Variants in VPS13B observed in about 807,000 individuals in gnomAD.
VPS13B encodes the protein vacuolar protein sorting 13 homolog B, also known as intermembrane lipid transfer protein VPS13B.
A neutral mutation model predicts 426.4 loss-of-function variants in VPS13B; 285 were observed. That is an observed-to-expected ratio of 0.67 (90% CI 0.61 to 0.74). The LOEUF is 0.74. Ranked by LOEUF, VPS13B falls within the 30% of genes least tolerant of loss-of-function variation. The probability of loss-of-function intolerance (pLI) is 0.00; values close to 1 mark genes in which losing one functional copy is unlikely to be tolerated. For missense variants in VPS13B, 4,537 were observed against 4,782.6 expected, an observed-to-expected ratio of 0.95 and a Z score of 1.51; for synonymous variants, 1,676 against 1,676.4, an observed-to-expected ratio of 1.00 and a Z score of 0.01.
rs958146625 is a variant in VPS13B, at chr8:99,427,868, G to T, written c.3083-3669G>T. Among the ~76,000 whole-genome samples the T allele has an allele frequency of 7.2e-5, 11 of 151,952 alleles. No individual in the cohort carries two copies. In the East Asian group the frequency reaches 1.9e-3, roughly 27 times the overall value. ...AAAAGAACAAAGCTGGAGGTATCAG[G>T]CTACCTGACTTCAAACGGTACTACA... On this transcript the variant is annotated intron_variant, in intron 21 of 61. Coordinates refer to ENST00000357162, the MANE Select transcript of VPS13B (RefSeq NM_152564.5).
intron 31 of VPS13B, among the ~76,000 whole-genome samples, chr8:99,562,759 C>T (rs1274732423): frequency 6.6e-6 from 1 of 151,928 alleles, no homozygotes; most frequent in Admixed American, 6.6e-5. Context: ...ATATGGGTTT[C>T]CGGTTGTGCT....
rs796801783 is a variant in VPS13B, at chr8:99,380,876, CTT to C, written c.2825-3319_2825-3318del. ...ACCATCAGGCAGATACTTTTTCTTT[CTT>C]TTTTTTTTTTTTAAAAAAAAAAGAC... On this transcript the variant is annotated intron_variant, in intron 19 of 61. Coordinates refer to ENST00000357162, the MANE Select transcript of VPS13B (RefSeq NM_152564.5). Among the ~76,000 whole-genome samples the C allele has an allele frequency of 6.9e-3, 911 of 132,238 alleles. 4 individuals are homozygous for C. Among genetic ancestry groups the C allele is most frequent in the African/African-American group, 0.024 (853 of 35,638 alleles). 86.8% of individuals were successfully genotyped at this position (132,238 alleles called of 152,430 possible).
chr8:99,456,849 AAGTGTGTATT>A (rs1359247891), intron 23 of VPS13B, among the ~76,000 whole-genome samples: 1 of 152,244 alleles, frequency 6.6e-6, no homozygotes, highest in East Asian at 1.9e-4. Flanking sequence ...CTGTTTTTGT[AAGTGTGTATT>A]AGGGATTGAC....
chr8:99,426,158 C>G (rs1816694591), intron 21 of VPS13B, among the ~76,000 whole-genome samples: 1 of 148,710 alleles, frequency 6.7e-6, no homozygotes, highest in Non-Finnish European at 1.5e-5. Flanking sequence ...TGAGAATATC[C>G]TGTGTTTGGT....
At position 99,875,687 on chromosome 8, in the gene VPS13B, T is replaced by A. The variant is rs766583578; in HGVS notation, c.*21T>A. On this transcript the variant is annotated 3_prime_UTR_variant, in exon 62 of 62. Coordinates refer to ENST00000357162, the MANE Select transcript of VPS13B (RefSeq NM_152564.5). ...CTTGAGTCCCCTCTGAGGTGTTTAT[T>A]CCTGCTTGTGTGATTTAGTTTTTGG... 48 of 1,613,388 alleles carry A rather than the reference T, an allele frequency of 3.0e-5. No homozygotes were observed. The highest frequency in any genetic ancestry group is 3.4e-6 in the Non-Finnish European group (4 of 1,179,988).
At chr8:99,477,598 C>T (rs1481506790) in intron 24 of VPS13B, among the ~76,000 whole-genome samples, 1 of 152,124 alleles carries the variant, frequency 6.6e-6, no homozygotes, top group Non-Finnish European at 1.5e-5. Flanking sequence ...TTGACTTATC[C>T]ATTAGGATGA....
chr8:99,665,169 G>GT (rs540353300), intron 35 of VPS13B, among the ~76,000 whole-genome samples: 222 of 152,104 alleles, frequency 1.5e-3, no homozygotes, highest in African/African-American at 5.1e-3. Context: ...GGGGTTGTTT[G>GT]TTTTTTTCTT....
At chr8:99,136,196 ACT>A (rs926459066) in intron 11 of VPS13B, among the ~76,000 whole-genome samples, 6 of 151,926 alleles carry the variant, frequency 3.9e-5, no homozygotes, top group Admixed American at 3.9e-4. Context: ...TTTACATTTT[ACT>A]CTTTTTTTAT....
In VPS13B at chr8:99,507,858, C is replaced by T. The variant is rs145741622; in HGVS notation, c.4224+655C>T. The T allele has an allele frequency of 2.7e-5, 43 of 1,613,914 alleles. No individual in the cohort carries two copies. The highest frequency in any genetic ancestry group is 1.8e-4 in the East Asian group (8 of 44,888). The stretch of plus-strand genomic sequence containing the variant: ...GCTGAACAGACGCACCTTGTTGGTT[C>T]GACCCATCAGCAAGCAGGACCCTTT... On this transcript the variant is annotated intron_variant, in intron 28 of 61. Coordinates refer to ENST00000357162, the MANE Select transcript of VPS13B (RefSeq NM_152564.5).
In VPS13B at chr8:99,674,107, T is replaced by G. The variant is rs138864193; in HGVS notation, c.6046+12616T>G. On this transcript the variant is annotated intron_variant, in intron 35 of 61. Coordinates refer to ENST00000357162, the MANE Select transcript of VPS13B (RefSeq NM_152564.5). ...TGTATATGTTTGTCAGGTTCAAATG[T>G]TCTAGATTGCAGTTTAAGTCTGATG... Among the ~76,000 whole-genome samples the G allele has an allele frequency of 1.8e-4, 28 of 152,214 alleles. No homozygotes were observed. In the East Asian group the frequency reaches 4.8e-3, roughly 26 times the overall value.
At chr8:99,642,626 G>T (rs1829416071) in intron 34 of VPS13B, 128 bp downstream of exon 34, 2 of 815,244 alleles carry the variant, frequency 2.5e-6, no homozygotes, top group Admixed American at 2.5e-5. Context: ...AATATGGAAA[G>T]TTCATGTTCC....
chr8:99,832,571 C>T lies in VPS13B; in HGVS notation c.9533C>T (p.Pro3178Leu). Reference sequence around the variant, plus strand: ...GACAGCTCACAGTGCTGGAGCCTGCCAGCTATAGTTAGACCAGAGTTTCCC... The same window carrying T: ...GACAGCTCACAGTGCTGGAGCCTGCTAGCTATAGTTAGACCAGAGTTTCCC... ...GADSSQCWSL[P>L]AIVRPEFPRQ... The change falls in exon 52 of 62, where the codon CCA becomes CTA. Residue 3178 changes from proline to leucine, a missense_variant. By Grantham distance (98) the Pro-to-Leu change is moderately conservative. This residue lies in a region of VPS13B where 4,311 missense variants were observed against 4,474.3 expected (regional missense o/e 0.96). Coordinates refer to ENST00000357162, the MANE Select transcript of VPS13B (RefSeq NM_152564.5). 6.2e-7 allele frequency: 1 copy of T among 1,613,866 alleles called. No individual in the cohort carries two copies. Among genetic ancestry groups the T allele is most frequent in the African/African-American group, 1.3e-5 (1 of 74,952 alleles).
chr8:99,105,537 C>A (rs1277664211), intron 5 of VPS13B, among the ~76,000 whole-genome samples: 2 of 152,032 alleles, frequency 1.3e-5, no homozygotes, highest in Non-Finnish European at 2.9e-5. Flanking sequence ...TGCCAGCATG[C>A]CTGGCTAATT....
intron 3 of VPS13B, among the ~76,000 whole-genome samples, chr8:99,039,666 G>A (rs76855829): frequency 0.031 from 4,706 of 151,548 alleles, 96 homozygotes; most frequent in East Asian, 0.053. Context: ...TAAGTTTAAC[G>A]TATTCTAAAT....
intron 21 of VPS13B, among the ~76,000 whole-genome samples, chr8:99,401,958 C>A (rs907561587): frequency 6.6e-5 from 10 of 152,194 alleles, no homozygotes; most frequent in African/African-American, 2.4e-4. Context: ...TAGTCTCAAA[C>A]TCCTGGACTC....
At position 99,835,229 on chromosome 8, in the gene VPS13B, G is replaced by A; in HGVS notation, c.9647G>A (p.Gly3216Glu). ...AIVLTYQEHL[G>E]VTYLTLSEDP... ...GTGCTGACATATCAAGAACACCTCG[G>A]AGTGACTTATTTAACCCTCTCAGAA... is the stretch of plus-strand genomic sequence containing the variant. Residue 3216 changes from glycine (G) to glutamate (E), a missense_variant, in exon 53 of 62, where the codon GGA (glycine) becomes GAA (glutamate). Physicochemically the swap from Gly to Glu is moderately conservative, Grantham distance 98 (BLOSUM62 -2). Coordinates refer to ENST00000357162, the MANE Select transcript of VPS13B (RefSeq NM_152564.5). 1 of 1,613,914 alleles carries A rather than the reference G, an allele frequency of 6.2e-7. No individual in the cohort carries two copies. Among genetic ancestry groups the A allele is most frequent in the Non-Finnish European group, 8.5e-7 (1 of 1,179,968 alleles).
intron 19 of VPS13B, among the ~76,000 whole-genome samples, chr8:99,326,418 T>G (rs1810261173): frequency 7.0e-6 from 1 of 142,340 alleles, no homozygotes; most frequent in African/African-American, 2.6e-5. Context: ...TAATTTGAAA[T>G]AAGGCAGAAT....
At chr8:99,303,524 A>G (rs1164014857) in intron 19 of VPS13B, among the ~76,000 whole-genome samples, 1 of 151,506 alleles carries the variant, frequency 6.6e-6, no homozygotes, top group Non-Finnish European at 1.5e-5. Flanking sequence ...AAATTCCAGT[A>G]GTAACAAGAT....
At chr8:99,112,618 G>A (rs1165092934) in intron 6 of VPS13B, among the ~76,000 whole-genome samples, 1 of 152,084 alleles carries the variant, frequency 6.6e-6, no homozygotes, top group African/African-American at 2.4e-5. Context: ...AATAGTGATG[G>A]CTCTGTCTCA....
Sources: gnomAD v4.1 joint callset for allele counts (sites outside exome capture counted in the v4.1 genomes callset) on GRCh38, gnomAD v4.1.1 for gene constraint, gnomAD v4.1.1 regional missense constraint, MANE v1.5 for transcripts, NCBI Gene and HGNC (gene_info 2026-07-23, HGNC 2026-07-21) for gene names.